Variants in DPP6 observed in about 807,000 individuals in gnomAD.
DPP6 encodes the protein dipeptidyl peptidase like 6.
A neutral mutation model predicts 122.6 loss-of-function variants in DPP6; 69 were observed. That is an observed-to-expected ratio of 0.56 (90% CI 0.46 to 0.69). DPP6 has a LOEUF of 0.69. Among genes scored for constraint, DPP6 ranks in the 30% least tolerant of loss-of-function variants. The probability of loss-of-function intolerance (pLI) is 0.00; values close to 1 mark genes in which losing one functional copy is unlikely to be tolerated. For synonymous variants in DPP6, 418 were observed against 433.1 expected, an observed-to-expected ratio of 0.97 and a Z score of 0.43; for missense variants, 928 against 1,116.9, an observed-to-expected ratio of 0.83 and a Z score of 2.41.
intron 1 of DPP6, among the ~76,000 whole-genome samples, chr7:153,953,819 A>G (rs1474657271): frequency 6.6e-6 from 1 of 152,238 alleles, no homozygotes; most frequent in Non-Finnish European, 1.5e-5. Context: ...ATGTGCGTCT[A>G]CAGGCACACA....
rs1489811189 is a variant in DPP6, at chr7:153,920,561, C to CTTTTTTTTTTTTTTT, written c.51+32828_51+32829insTTTTTTTTTTTTTTT. On this transcript the variant is annotated intron_variant, in intron 1 of 25. Coordinates refer to the DPP6 transcript ENST00000404039. ...TAGTCAACCTTTTTCTTTTATCTCT[C>CTTTTTTTTTTTTTTT]TCTTTTTTTTTTTTTTTTTGAGATG... 1.9e-3 allele frequency among the ~76,000 whole-genome samples: 117 copies of CTTTTTTTTTTTTTTT among 62,428 alleles called. 13 individuals are homozygous for CTTTTTTTTTTTTTTT. Among genetic ancestry groups the CTTTTTTTTTTTTTTT allele is most frequent in the Middle Eastern group, 0.011 (1 of 90 alleles). 41.0% of individuals were successfully genotyped at this position (62,428 alleles called of 152,430 possible). A position where few individuals can be genotyped will look rare whatever the true frequency, so the allele number is the denominator to read the frequency against.
At chr7:154,658,278 G>A (rs1325573371) in intron 6 of DPP6, among the ~76,000 whole-genome samples, 1 of 152,238 alleles carries the variant, frequency 6.6e-6, no homozygotes, top group Admixed American at 6.5e-5. Context: ...GGCAGGGGAA[G>A]AAGGAGGATA....
At chr7:154,036,304 GGGC>G (rs766660520) in intron 1 of DPP6, among the ~76,000 whole-genome samples, 14,536 of 84,072 alleles carry the variant, frequency 0.17, 878 homozygotes, top group Middle Eastern at 0.24. Flanking sequence ...GGGGGGTTGG[GGGC>G]GGGGGGATTC....
In DPP6 at chr7:154,801,385, C is replaced by A; in HGVS notation, c.1330C>A (p.Arg444=). 6.3e-7 allele frequency: 1 copy of A among 1,595,510 alleles called. No homozygotes were observed. Among genetic ancestry groups the A allele is most frequent in the Non-Finnish European group, 8.5e-7 (1 of 1,170,244 alleles). The change falls in exon 13 of 26, where the codon CGA becomes AGA. Residue 444 remains arginine (R), a synonymous_variant. Transcript: ENST00000377770. ...AGAACCTGTGTTCTCCAAGGATGGC[C>A]GAAAGTTTTTCTTCATCAGAGCCAT... is the stretch of plus-strand genomic sequence containing the variant. ...NEEPVFSKDG[R]KFFFIRAIPQ... is the part of the protein sequence containing the mutation.
intron 3 of DPP6, among the ~76,000 whole-genome samples, chr7:154,497,800 G>A (rs567153986): frequency 6.6e-6 from 1 of 151,974 alleles, no homozygotes; most frequent in South Asian, 2.1e-4. Flanking sequence ...TAAAACAAAG[G>A]GTCGTCAATA....
intron 1 of DPP6, among the ~76,000 whole-genome samples, chr7:154,173,291 G>T (rs1797628370): frequency 6.6e-6 from 1 of 152,162 alleles, no homozygotes; most frequent in Non-Finnish European, 1.5e-5. Context: ...TAGAAGAATG[G>T]GTGGAGAACA....
At chr7:154,203,918 CATATT>C (rs1408422073) in intron 1 of DPP6, among the ~76,000 whole-genome samples, 4 of 152,118 alleles carry the variant, frequency 2.6e-5, no homozygotes, top group South Asian at 4.1e-4. Flanking sequence ...GTGAAAATGA[CATATT>C]ATAGAGAAAG....
At chr7:154,303,380 A>C (rs1806038713) in intron 1 of DPP6, among the ~76,000 whole-genome samples, 1 of 152,098 alleles carries the variant, frequency 6.6e-6, no homozygotes, top group Non-Finnish European at 1.5e-5. Flanking sequence ...TGGGGCCTCC[A>C]TGACAGGTTT....
intron 8 of DPP6, among the ~76,000 whole-genome samples, chr7:154,754,927 G>A (rs898568685): frequency 8.5e-5 from 13 of 152,098 alleles, no homozygotes; most frequent in African/African-American, 2.9e-4. Flanking sequence ...GTTGAACAAT[G>A]AGAACACATG....
At chr7:154,531,790 G>A (rs1443333199) in intron 3 of DPP6, among the ~76,000 whole-genome samples, 1 of 152,096 alleles carries the variant, frequency 6.6e-6, no homozygotes, top group Non-Finnish European at 1.5e-5. Flanking sequence ...GGACCTGAAA[G>A]CTTAACAGGT....
At chr7:154,599,915 T>G (rs1289141740) in intron 5 of DPP6, among the ~76,000 whole-genome samples, 2 of 152,080 alleles carry the variant, frequency 1.3e-5, no homozygotes, top group Non-Finnish European at 1.5e-5. Context: ...TCCAAAATGT[T>G]CTCTTCAGTC....
intron 1 of DPP6, among the ~76,000 whole-genome samples, chr7:153,895,736 A>AGTG (rs1563214287): frequency 3.8e-5 from 5 of 130,808 alleles, no homozygotes; most frequent in Admixed American, 2.2e-4. Flanking sequence ...GTGCACACAC[A>AGTG]CACACACACA....
intron 22 of DPP6, 107 bp from the exon 23 acceptor site, chr7:154,887,569 C>T: frequency 9.1e-7 from 1 of 1,096,924 alleles, no homozygotes; most frequent in South Asian, 1.2e-5. Flanking sequence ...GGGAATGAGC[C>T]TGAGTCCTCA....
intron 1 of DPP6, among the ~76,000 whole-genome samples, chr7:154,285,814 G>C (rs917584628): frequency 6.6e-6 from 1 of 152,190 alleles, no homozygotes; most frequent in Admixed American, 6.5e-5. Context: ...GCAGAGTACT[G>C]ATGTGTTTCG....
chr7:154,654,608 A>G (rs1430557511), intron 6 of DPP6, among the ~76,000 whole-genome samples: 2 of 151,718 alleles, frequency 1.3e-5, no homozygotes, highest in Non-Finnish European at 2.9e-5. Flanking sequence ...TAGTAGAGAC[A>G]GGGTTCCACC....
intron 3 of DPP6, among the ~76,000 whole-genome samples, chr7:154,501,261 AT>A (rs1451528751): frequency 1.3e-5 from 2 of 150,000 alleles, no homozygotes; most frequent in East Asian, 3.9e-4. Context: ...GAAAAAAAAA[AT>A]CCCATTTTCT....
chr7:154,392,662 G>C (rs554028427), intron 1 of DPP6, among the ~76,000 whole-genome samples: 2 of 152,342 alleles, frequency 1.3e-5, no homozygotes, highest in South Asian at 4.1e-4. Flanking sequence ...TTAGTCCTCA[G>C]TTAATTAGAA....
the DPP6 span, among the ~76,000 whole-genome samples, chr7:153,801,980 G>A: frequency 6.6e-6 from 1 of 152,236 alleles, no homozygotes; most frequent in Admixed American, 6.5e-5. Context: ...TCAAACAGAG[G>A]GGAAAATTCA....
intron 3 of DPP6, among the ~76,000 whole-genome samples, chr7:154,490,996 C>T (rs1417920402): frequency 2.6e-5 from 4 of 152,278 alleles, no homozygotes; most frequent in South Asian, 2.1e-4. Flanking sequence ...CACGCACGTG[C>T]GATATACAAA....
Sources: allele counts gnomAD v4.1 joint callset (sites outside exome capture counted in the v4.1 genomes callset), GRCh38; gene constraint gnomAD v4.1.1; transcripts MANE v1.5; gene names NCBI Gene and HGNC (gene_info 2026-07-23, HGNC 2026-07-21).